MYBBP1A: variants seen among roughly 807,000 people sequenced by gnomAD.
MYBBP1A encodes the protein myb-binding protein 1A.
In MYBBP1A, 147 loss-of-function variants were observed where a neutral mutation model predicts 136.3. That is an observed-to-expected ratio of 1.08 (90% CI 0.94 to 1.24). The LOEUF (loss-of-function observed/expected upper bound fraction) is 1.24. MYBBP1A is among the 50% of genes most tolerant of loss of function. The probability of loss-of-function intolerance (pLI) is 0.00; values close to 1 mark genes in which losing one functional copy is unlikely to be tolerated. For missense variants in MYBBP1A, 2,060 were observed against 1,727.4 expected, an observed-to-expected ratio of 1.19 and a Z score of -3.41; for synonymous variants, 947 against 735.8, an observed-to-expected ratio of 1.29 and a Z score of -4.65.
At chr17:4,543,273 A>G in intron 19 of MYBBP1A, 108 bp from the exon 20 acceptor site, 2 of 1,417,898 alleles carry the variant, frequency 1.4e-6, no homozygotes, top group Non-Finnish European at 1.9e-6. Flanking sequence ...CAGACCTAGA[A>G]GACGACAGAG....
rs1906144975 is a variant in MYBBP1A, at chr17:4,539,490, C to T, written c.3912G>A (p.Leu1304=). The T allele has an allele frequency of 6.2e-7, 1 of 1,614,186 alleles. No homozygotes were observed. The highest frequency in any genetic ancestry group is 8.5e-7 in the Non-Finnish European group (1 of 1,180,042). Residue 1304 remains leucine, a synonymous_variant, in exon 26 of 26, where the codon TTG becomes TTA. Coordinates refer to ENST00000254718, the MANE Select transcript of MYBBP1A (RefSeq NM_014520.4). ...GAAGCAGGCTGGGACTCCTGATGAC[C>T]AAAGACAGCCTTGCCTTTTTCCGTG... is the stretch of plus-strand genomic sequence containing the variant. ...ALARKKARLS[L]VIRSPSLLQS... is the part of the protein sequence containing the mutation.
Position 4,545,010 on chromosome 17 carries a change from C to G in MYBBP1A, c.2310+16G>C, listed in dbSNP as rs1348701056. On this transcript the variant is annotated intron_variant, in intron 17 of 25. Transcript: ENST00000254718. ...AGCCCTCCCCGGCCGCCCCCCCCTC[C>G]ACCTCCCCCACTCACCAGCGCCTTC... 2.7e-6 allele frequency: 4 copies of G among 1,477,040 alleles called. No individual in the cohort carries two copies. Among genetic ancestry groups the G allele is most frequent in the Non-Finnish European group, 3.6e-6 (4 of 1,112,320 alleles). 91.5% of individuals were successfully genotyped at this position (1,477,040 alleles called of 1,614,324 possible).
rs181893408 is a variant in MYBBP1A at position 4,546,861 on chromosome 17, G to A, written c.1825-919C>T. On this transcript the variant is annotated intron_variant, in intron 13 of 25. Transcript: ENST00000254718. ...CCCAAAGCCCTTGTCATTGCTCTCC[G>A]GCTCCCAGGCTGTGTGCCCAAGCAG... Among the ~76,000 whole-genome samples, 20 of 152,006 alleles carry A rather than the reference G, an allele frequency of 1.3e-4. 1 individual carries two copies. Among genetic ancestry groups the A allele is most frequent in the African/African-American group, 4.8e-4 (20 of 41,480 alleles).
Position 4,554,952 on chromosome 17 carries a change from G to A in MYBBP1A, c.203C>T (p.Ser68Phe), listed in dbSNP as rs1907893569. ...LEYLRGRPKG[S>F]EMKYALKRLI... Reference sequence around the variant, plus strand: ...ACGCTTCAGGGCATATTTCATCTCGGACCCCTGCGGAACCAAGCACACCCT... The same window carrying A: ...ACGCTTCAGGGCATATTTCATCTCGAACCCCTGCGGAACCAAGCACACCCT... The change falls in exon 2 of 26, where the codon TCC (serine) becomes TTC (phenylalanine). Residue 68 changes from serine to phenylalanine, a missense_variant. Ser to Phe is a radical substitution (Grantham distance 155). Coordinates refer to ENST00000254718, the MANE Select transcript of MYBBP1A (RefSeq NM_014520.4). 1 of 1,613,288 alleles carries A rather than the reference G, an allele frequency of 6.2e-7. No homozygotes were observed. The highest frequency in any genetic ancestry group is 8.5e-7 in the Non-Finnish European group (1 of 1,180,024).
chr17:4,547,190 G>A (rs948551378), intron 13 of MYBBP1A, among the ~76,000 whole-genome samples: 2 of 151,820 alleles, frequency 1.3e-5, no homozygotes, highest in Non-Finnish European at 2.9e-5. Flanking sequence ...TTACAGGTGC[G>A]AGCCCCGAGC....
chr17:4,542,369 G>A (rs1472698404), intron 22 of MYBBP1A, 95 bp downstream of exon 22: 5 of 1,400,504 alleles, frequency 3.6e-6, no homozygotes, highest in Non-Finnish European at 4.9e-6. Context: ...GTGCTCACCA[G>A]GACAGCGCTC....
At chr17:4,541,711 T>C in intron 23 of MYBBP1A, 73 bp downstream of exon 23, 1 of 1,499,738 alleles carries the variant, frequency 6.7e-7, no homozygotes, top group South Asian at 1.1e-5. Flanking sequence ...CAATCCTCAC[T>C]TCTTTCCCAG....
In MYBBP1A at chr17:4,548,886, TAG is replaced by T. The variant is rs1035692171; in HGVS notation, c.1431-239_1431-238del. Among the ~76,000 whole-genome samples, 7 of 152,334 alleles carry T rather than the reference TAG, an allele frequency of 4.6e-5. No individual in the cohort carries two copies. The highest frequency in any genetic ancestry group is 7.4e-5 in the Non-Finnish European group (5 of 68,022). Reference sequence around the variant, plus strand: ...CAGCTGAACGCGGGTTAACCCGAGCTAGAGAGAGTCAGTGCCCCTCTCAAGGA... The same window carrying T: ...CAGCTGAACGCGGGTTAACCCGAGCTAGAGAGTCAGTGCCCCTCTCAAGGA... On this transcript the variant is annotated intron_variant, in intron 10 of 25. Transcript: ENST00000254718. The surrounding 1 kb of genome is among the most constrained non-coding windows in gnomAD (Gnocchi z 4.2).
Position 4,539,327 on chromosome 17 carries a change from GT to G in MYBBP1A, c.*87del, listed in dbSNP as rs1374083668. ...TGGCAGCGCCTTAGAAACAGCTTGCGTATTAAAATCATGGTTTAAAAAAAAA... is the reference window on the plus strand; with the variant it reads ...TGGCAGCGCCTTAGAAACAGCTTGCGATTAAAATCATGGTTTAAAAAAAAA... On this transcript the variant is annotated 3_prime_UTR_variant, in exon 26 of 26. Transcript: ENST00000254718. The G allele has an allele frequency of 1.8e-5, 27 of 1,497,978 alleles. No individual in the cohort carries two copies. In the African/African-American group the frequency reaches 2.7e-4, roughly 15 times the overall value. The allele number at this position is 1,497,978 out of a possible 1,614,324, so 92.8% of individuals were successfully genotyped here. A position where few individuals can be genotyped will look rare whatever the true frequency, so the allele number is the denominator to read the frequency against.
At position 4,550,093 on chromosome 17, in the gene MYBBP1A, G is replaced by A; in HGVS notation, c.1284C>T (p.Asn428=). The A allele has an allele frequency of 6.2e-7, 1 of 1,613,732 alleles. No homozygotes were observed. The highest frequency in any genetic ancestry group is 8.5e-7 in the Non-Finnish European group (1 of 1,179,758). ...ATGAATCCTGGGCTTTCTTCTGGTT[G>A]TTGGTGCTGAAGTCAACCAAGGAGT... ...DLDSLVDFST[N]NQKKAQDSSL... Residue 428 remains asparagine, a synonymous_variant, in exon 9 of 26, where the codon AAC becomes AAT. Coordinates refer to ENST00000254718, the MANE Select transcript of MYBBP1A (RefSeq NM_014520.4).
Position 4,553,807 on chromosome 17 carries a change from T to C in MYBBP1A, c.561+3A>G, listed in dbSNP as rs1307735943. On this transcript the variant is annotated splice_donor_region_variant and intron_variant, in intron 5 of 25. Coordinates refer to ENST00000254718, the MANE Select transcript of MYBBP1A (RefSeq NM_014520.4). The stretch of plus-strand genomic sequence containing the variant: ...TGGGCCCGCACAGCTGGGGAGCTCA[T>C]ACCTCGGAGAGGATGTCCACCAGGG... The C allele has an allele frequency of 1.5e-5, 24 of 1,613,608 alleles. No individual in the cohort carries two copies. The highest frequency in any genetic ancestry group is 1.9e-5 in the Non-Finnish European group (23 of 1,179,710).
intron 5 of MYBBP1A, among the ~76,000 whole-genome samples, chr17:4,553,125 G>A (rs1394410547): frequency 6.6e-6 from 1 of 152,146 alleles, no homozygotes; most frequent in East Asian, 1.9e-4. Flanking sequence ...CCCGGTCAAA[G>A]CTACCCTTTT....
intron 13 of MYBBP1A, among the ~76,000 whole-genome samples, chr17:4,546,214 G>A (rs750290776): frequency 6.6e-6 from 1 of 152,178 alleles, no homozygotes; most frequent in Non-Finnish European, 1.5e-5. Context: ...TGCCTCCCAG[G>A]TTCAAGCCAT....
In MYBBP1A at chr17:4,540,460, G is replaced by A. The variant is rs1239338469; in HGVS notation, c.3322C>T (p.Leu1108Phe). 1.2e-6 allele frequency: 2 copies of A among 1,610,496 alleles called. No homozygotes were observed. Among genetic ancestry groups the A allele is most frequent in the East Asian group, 2.2e-5 (1 of 44,848 alleles). The stretch of plus-strand genomic sequence containing the variant: ...TGTTGCCCCTGCAGCACACCCAGGA[G>A]CACCGTCAGGTCCAAGGTCAGCTTC... ...HEKLTLDLTVLLGVLQGQQQS... is the reference protein window; with the variant it reads ...HEKLTLDLTVFLGVLQGQQQS... Residue 1108 changes from leucine to phenylalanine, a missense_variant, in exon 25 of 26, where the codon CTC becomes TTC. By Grantham distance (22) the Leu-to-Phe change is conservative (BLOSUM62 0). Coordinates refer to ENST00000254718, the MANE Select transcript of MYBBP1A (RefSeq NM_014520.4).
chr17:4,548,035 G>T lies in MYBBP1A; in HGVS notation c.1747C>A (p.Leu583Met). 1 of 1,560,548 alleles carries T rather than the reference G, an allele frequency of 6.4e-7. No homozygotes were observed. Among genetic ancestry groups the T allele is most frequent in the Non-Finnish European group, 8.7e-7 (1 of 1,153,122 alleles). The stretch of plus-strand genomic sequence containing the variant: ...CTGGCCTCTGCGGAGTGGGCCTCCA[G>T]CTCCTTCAGAGTCTGCAGCATCCTG... ...WDRMLQTLKE[L>M]EAHSAEARAA... Residue 583 changes from leucine to methionine, a missense_variant, in exon 13 of 26, where the codon CTG (leucine) becomes ATG (methionine). Transcript: ENST00000254718. This position sits in a 1 kb window ranked among gnomAD's most constrained non-coding sequence, Gnocchi z 4.2.
intron 13 of MYBBP1A, 106 bp downstream of exon 13, chr17:4,547,852 A>G (rs1473568819): frequency 1.2e-5 from 12 of 1,033,298 alleles, no homozygotes; most frequent in African/African-American, 1.6e-5. Flanking sequence ...TAACTCCCCC[A>G]GAACCTTTCC....
In MYBBP1A at chr17:4,539,398, G is replaced by A. The variant is rs753176716; in HGVS notation, c.*17C>T. 1.1e-4 allele frequency: 173 copies of A among 1,574,810 alleles called. No individual in the cohort carries two copies. The highest frequency in any genetic ancestry group is 6.8e-4 in the Middle Eastern group (4 of 5,870). On this transcript the variant is annotated 3_prime_UTR_variant, in exon 26 of 26. Coordinates refer to ENST00000254718, the MANE Select transcript of MYBBP1A (RefSeq NM_014520.4). ...AGGCAGATGGAGGCAGGGGCTGAGG[G>A]GGGCCCGTACCTGTGCTCAGGGCTT...
rs1351575569 is a variant in MYBBP1A at position 4,552,153 on chromosome 17, G to A, written c.877C>T (p.Leu293=). 2 of 1,614,210 alleles carry A rather than the reference G, an allele frequency of 1.2e-6. No individual in the cohort carries two copies. The change falls in exon 7 of 26, where the codon CTG becomes TTG. Residue 293 remains leucine, a synonymous_variant. Coordinates refer to ENST00000254718, the MANE Select transcript of MYBBP1A (RefSeq NM_014520.4). This position sits in a 1 kb window ranked among gnomAD's most constrained non-coding sequence, Gnocchi z 4.7. ...RFWKEVVEQG[L]LKMQFWPASY... The stretch of plus-strand genomic sequence containing the variant: ...GCTGGCCAGAACTGCATCTTCAGCA[G>A]CCCTTGTTCCACCACCTCCTTCCAG...
In MYBBP1A at chr17:4,554,276, C is replaced by T. The variant is rs78992572; in HGVS notation, c.297G>A (p.Leu99=). 61,388 of 1,613,518 alleles carry T rather than the reference C, an allele frequency of 0.038. 1,390 individuals carry two copies. The highest frequency in any genetic ancestry group is 0.058 in the Middle Eastern group (349 of 6,060). Residue 99 remains leucine (L), a splice_region_variant and synonymous_variant, in exon 3 of 26, where the codon CTG becomes CTA. Coordinates refer to ENST00000254718, the MANE Select transcript of MYBBP1A (RefSeq NM_014520.4). ...AGGGGAGGTCTTCAAAAGACTGTAA[C>T]AGCTGCCAGGAGTTGTGTGGCAGGA... ...RPCYSLALAQ[L]LQSFEDLPLC...
Sources: gnomAD v4.1 joint callset for allele counts (sites outside exome capture counted in the v4.1 genomes callset) on GRCh38, gnomAD v4.1.1 for gene constraint, Gnocchi (gnomAD v3.1) non-coding constraint, MANE v1.5 for transcripts, NCBI Gene and HGNC (gene_info 2026-07-23, HGNC 2026-07-21) for gene names.